The following IMMP2L variants were observed in gnomAD, a reference collection of about 807,000 sequenced individuals.
The protein encoded by IMMP2L is inner mitochondrial membrane peptidase subunit 2.
In IMMP2L, 18 loss-of-function variants were observed where a neutral mutation model predicts 19.3. The ratio of observed to expected loss-of-function variants is 0.93; its 90% CI spans 0.64 to 1.38. The LOEUF (loss-of-function observed/expected upper bound fraction) is 1.38. IMMP2L is among the 40% of genes most tolerant of loss of function. The probability of loss-of-function intolerance (pLI) is 0.00; values close to 1 mark genes in which losing one functional copy is unlikely to be tolerated. For missense variants in IMMP2L, 233 were observed against 218.2 expected, an observed-to-expected ratio of 1.07 and a Z score of -0.43; for synonymous variants, 76 against 73.0, an observed-to-expected ratio of 1.04 and a Z score of -0.21.
intron 3 of IMMP2L, among the ~76,000 whole-genome samples, chr7:111,186,977 C>G (rs1212578792): frequency 6.6e-6 from 1 of 151,918 alleles, no homozygotes; most frequent in Admixed American, 6.6e-5. Context: ...TTTGTCTCCC[C>G]AGTACAGTAT....
chr7:110,804,089 T>C (rs1236081650), intron 5 of IMMP2L, among the ~76,000 whole-genome samples: 1 of 152,056 alleles, frequency 6.6e-6, no homozygotes, highest in Non-Finnish European at 1.5e-5. Flanking sequence ...TTGTGCTGCT[T>C]TGAAACCACA....
At chr7:110,970,251 T>A (rs1237328762) in intron 3 of IMMP2L, among the ~76,000 whole-genome samples, 3 of 152,152 alleles carry the variant, frequency 2.0e-5, no homozygotes, top group Admixed American at 2.0e-4. Context: ...TTTAGTATAA[T>A]CATAACAATA....
chr7:110,768,498 T>C lies in IMMP2L; in HGVS notation c.409-104777A>G, dbSNP rs1798819468. On this transcript the variant is annotated intron_variant, in intron 5 of 5. Coordinates refer to ENST00000405709, the MANE Select transcript of IMMP2L (RefSeq NM_032549.4). ...CTGATTTTCACATTAAAAGCTTCCT[T>C]CAGCTTTCTTCACTTCCCACTCTCT... Among the ~76,000 whole-genome samples the C allele has an allele frequency of 2.0e-5, 3 of 152,032 alleles. No individual in the cohort carries two copies. In the South Asian group the frequency reaches 6.2e-4, roughly 32 times the overall value.
chr7:111,019,225 C>T (rs989701845), intron 3 of IMMP2L, among the ~76,000 whole-genome samples: 11 of 152,088 alleles, frequency 7.2e-5, no homozygotes, highest in Admixed American at 1.3e-4. Flanking sequence ...AAAAAACTGA[C>T]GAGGGAGGAG....
At position 110,909,926 on chromosome 7, in the gene IMMP2L, CAGAGAGAG is replaced by C. The variant is rs139251144; in HGVS notation, c.306-23239_306-23232del. ...AGAGAGAAAGAGAGAGAGAGATAGA[CAGAGAGAG>C]AGAGAGAGAGAGAGAGACCATTAAA... On this transcript the variant is annotated intron_variant, in intron 4 of 5. Coordinates refer to ENST00000405709, the MANE Select transcript of IMMP2L (RefSeq NM_032549.4). 5.5e-5 allele frequency among the ~76,000 whole-genome samples: 8 copies of C among 145,748 alleles called. No individual in the cohort carries two copies. In the East Asian group the frequency reaches 6.0e-4, roughly 11 times the overall value.
At chr7:110,940,111 G>A (rs1190120001) in intron 4 of IMMP2L, among the ~76,000 whole-genome samples, 1 of 152,082 alleles carries the variant, frequency 6.6e-6, no homozygotes, top group Non-Finnish European at 1.5e-5. Context: ...GAGGTCAGGA[G>A]TTTCAGACCA....
intron 3 of IMMP2L, among the ~76,000 whole-genome samples, chr7:111,251,199 T>C (rs1049951793): frequency 6.6e-6 from 1 of 152,212 alleles, no homozygotes; most frequent in Non-Finnish European, 1.5e-5. Flanking sequence ...CACAATGAGA[T>C]ACCATCTTAC....
At chr7:111,457,896 T>C (rs1839808928) in intron 3 of IMMP2L, among the ~76,000 whole-genome samples, 1 of 145,138 alleles carries the variant, frequency 6.9e-6, no homozygotes, top group South Asian at 2.3e-4. Flanking sequence ...ATTTTTCCAA[T>C]AAATCAATAA....
At chr7:110,934,984 T>C (rs919088367) in intron 4 of IMMP2L, among the ~76,000 whole-genome samples, 2 of 152,222 alleles carry the variant, frequency 1.3e-5, no homozygotes, top group Admixed American at 6.5e-5. Flanking sequence ...CGGGGGCATT[T>C]AGCCCATCTA....
chr7:111,296,105 T>A (rs1044753028), intron 3 of IMMP2L, among the ~76,000 whole-genome samples: 1 of 151,552 alleles, frequency 6.6e-6, no homozygotes, highest in African/African-American at 2.4e-5. Flanking sequence ...GCCATCTATA[T>A]AATAGGAGAA....
At chr7:111,034,874 T>G (rs1396168837) in intron 3 of IMMP2L, among the ~76,000 whole-genome samples, 1 of 152,078 alleles carries the variant, frequency 6.6e-6, no homozygotes, top group East Asian at 1.9e-4. Flanking sequence ...ACAACAATAC[T>G]TAATACTTAG....
intron 5 of IMMP2L, among the ~76,000 whole-genome samples, chr7:110,726,629 A>G (rs1205387777): frequency 2.0e-5 from 3 of 152,202 alleles, no homozygotes; most frequent in Non-Finnish European, 2.9e-5. Context: ...TTTGCTCTGA[A>G]GAATAGGAGA....
At chr7:111,208,864 T>G (rs1359576252) in intron 3 of IMMP2L, among the ~76,000 whole-genome samples, 1 of 152,182 alleles carries the variant, frequency 6.6e-6, no homozygotes, top group Non-Finnish European at 1.5e-5. Context: ...TAATTAGACT[T>G]GGGAGCAATA....
intron 3 of IMMP2L, among the ~76,000 whole-genome samples, chr7:111,319,965 T>C (rs1824508943): frequency 6.6e-6 from 1 of 152,048 alleles, no homozygotes; most frequent in African/African-American, 2.4e-5. Context: ...ACTGGAGCTC[T>C]TTCTTCCCTT....
At chr7:110,845,798 T>C (rs1355188562) in intron 5 of IMMP2L, among the ~76,000 whole-genome samples, 1 of 145,074 alleles carries the variant, frequency 6.9e-6, no homozygotes, top group African/African-American at 2.9e-5. Flanking sequence ...GATGAGGTAT[T>C]TAGGAGGTAA....
At chr7:111,209,871 T>C (rs913354792) in intron 3 of IMMP2L, among the ~76,000 whole-genome samples, 45 of 152,238 alleles carry the variant, frequency 3.0e-4, no homozygotes, top group African/African-American at 9.6e-4. Context: ...GACTCAGATA[T>C]TCTTGATCTC....
intron 3 of IMMP2L, among the ~76,000 whole-genome samples, chr7:111,238,856 T>G (rs1339525044): frequency 6.6e-6 from 1 of 151,988 alleles, no homozygotes; most frequent in African/African-American, 2.4e-5. Context: ...TGACCTTGAA[T>G]AAGTTCATTA....
intron 1 of IMMP2L, among the ~76,000 whole-genome samples, chr7:111,542,605 A>G (rs769387772): frequency 1.3e-5 from 2 of 152,126 alleles, no homozygotes; most frequent in African/African-American, 4.8e-5. Context: ...AACACTCCCA[A>G]TAAAACACAG....
intron 3 of IMMP2L, among the ~76,000 whole-genome samples, chr7:111,027,664 T>G (rs1286037096): frequency 6.6e-6 from 1 of 152,084 alleles, no homozygotes; most frequent in East Asian, 1.9e-4. Flanking sequence ...CAAAAATGAC[T>G]ACTATGCAAG....
Sources: allele counts gnomAD v4.1 joint callset (sites outside exome capture counted in the v4.1 genomes callset), GRCh38; gene constraint gnomAD v4.1.1; transcripts MANE v1.5; gene names NCBI Gene and HGNC (gene_info 2026-07-23, HGNC 2026-07-21).